ZEB1: variants seen among roughly 807,000 people sequenced by gnomAD.
The protein encoded by ZEB1 is zinc finger E-box binding homeobox 1, also known as zinc finger E-box-binding homeobox 1.
In ZEB1, 21 loss-of-function variants were observed where a neutral mutation model predicts 84.9. That is an observed-to-expected ratio of 0.25 (90% CI 0.18 to 0.36). The LOEUF (loss-of-function observed/expected upper bound fraction) is 0.36, where lower values mean the gene tolerates loss of function less well. Among genes scored for constraint, ZEB1 ranks in the 10% least tolerant of loss-of-function variants. ZEB1 has a pLI of 1.00. For synonymous variants in ZEB1, 420 were observed against 471.1 expected, an observed-to-expected ratio of 0.89 and a Z score of 1.41; for missense variants, 1,104 against 1,330.2, an observed-to-expected ratio of 0.83 and a Z score of 2.65.
rs764533019 is a variant in ZEB1, at chr10:31,490,406, A to G, written c.260-5370A>G. Among the ~76,000 whole-genome samples the G allele has an allele frequency of 5.3e-5, 8 of 151,544 alleles. No individual in the cohort carries two copies. In the East Asian group the frequency reaches 1.6e-3, roughly 29 times the overall value. On this transcript the variant is annotated intron_variant, in intron 2 of 8. Transcript: ENST00000424869. ...TTTTACTCTGTCTTATTCAAAGTGG[A>G]TAGTTTCCATTGATGTACTGTCAAG...
chr10:31,493,891 A>G (rs2066880874), intron 2 of ZEB1, among the ~76,000 whole-genome samples: 1 of 152,082 alleles, frequency 6.6e-6, no homozygotes, highest in South Asian at 2.1e-4. Flanking sequence ...TAAAGAGCCT[A>G]GAATTTATCC....
At chr10:31,387,305 G>A (rs2048801151) in intron 1 of ZEB1, 2 of 985,466 alleles carry the variant, frequency 2.0e-6, no homozygotes, top group Non-Finnish European at 2.4e-6. Flanking sequence ...GTGGGCCCAG[G>A]CTCCTAACCT....
Position 31,405,762 on chromosome 10 carries a change from G to T in ZEB1, c.59-55275G>T, listed in dbSNP as rs1256014073. Among the ~76,000 whole-genome samples, 5 of 151,452 alleles carry T rather than the reference G, an allele frequency of 3.3e-5. No individual in the cohort carries two copies. The East Asian group carries it at 9.8e-4, about 30-fold the overall frequency. ...GATACATCTGCAGTTTGTTACATAG[G>T]TATACATGTGTCATGGTGGTTTGTT... On this transcript the variant is annotated intron_variant, in intron 1 of 8. Transcript: ENST00000424869.
At chr10:31,330,649 G>C (rs997897864) in intron 1 of ZEB1, among the ~76,000 whole-genome samples, 3 of 152,122 alleles carry the variant, frequency 2.0e-5, no homozygotes, top group Non-Finnish European at 2.9e-5. Context: ...ATAAATGCTT[G>C]ATCTTACTGA....
At chr10:31,344,818 G>A (rs866668267) in intron 1 of ZEB1, among the ~76,000 whole-genome samples, 2 of 152,000 alleles carry the variant, frequency 1.3e-5, no homozygotes, top group Non-Finnish European at 1.5e-5. Flanking sequence ...TATTAAGGTG[G>A]ACTCCTGGAA....
intron 1 of ZEB1, among the ~76,000 whole-genome samples, chr10:31,402,656 GA>G (rs948117201): frequency 6.6e-6 from 1 of 150,822 alleles, no homozygotes; most frequent in Admixed American, 6.6e-5. Context: ...TTTTTTATTT[GA>G]ACTTTATTAC....
At position 31,459,187 on chromosome 10, in the gene ZEB1, C is replaced by G. The variant is rs375265766; in HGVS notation, c.59-1850C>G. On this transcript the variant is annotated intron_variant, in intron 1 of 8. Coordinates refer to ENST00000424869, the MANE Select transcript of ZEB1 (RefSeq NM_001174096.2). ...TAAAGTCAAAACATTGTAAATCAAG[C>G]CATAATTAGTCAGGGACTGTCTGTA... Among the ~76,000 whole-genome samples the G allele has an allele frequency of 5.4e-4, 82 of 152,112 alleles. 3 individuals carry two copies. In the South Asian group the frequency reaches 0.017, roughly 31 times the overall value.
At chr10:31,473,308 C>A (rs1187439619) in intron 2 of ZEB1, among the ~76,000 whole-genome samples, 3 of 148,926 alleles carry the variant, frequency 2.0e-5, no homozygotes, top group African/African-American at 7.4e-5. Flanking sequence ...ATCTAGAAAA[C>A]CCCATTGTCT....
chr10:31,385,672 C>T (rs1010353501), intron 1 of ZEB1, among the ~76,000 whole-genome samples: 18 of 151,936 alleles, frequency 1.2e-4, no homozygotes, highest in African/African-American at 3.9e-4. Context: ...GGATTACAGG[C>T]GCTTGCCACC....
intron 1 of ZEB1, chr10:31,387,405 C>A (rs1054309452): frequency 1.5e-5 from 9 of 618,682 alleles, no homozygotes; most frequent in Non-Finnish European, 1.8e-5. Context: ...GGACATCACA[C>A]ATTCATCAAG....
At chr10:31,319,092 T>G, upstream of ZEB1, 10 of 602,186 alleles carry the variant, frequency 1.7e-5, no homozygotes, top group East Asian at 3.3e-5. Flanking sequence ...CCTCTAGGTG[T>G]AAGGAAGGTG....
chr10:31,350,685 T>C (rs566006799), intron 1 of ZEB1, among the ~76,000 whole-genome samples: 3 of 152,316 alleles, frequency 2.0e-5, no homozygotes, highest in East Asian at 1.9e-4. Context: ...AAATGAGTAG[T>C]TTGTTAATTC....
chr10:31,502,792 G>A (rs1487748720), intron 4 of ZEB1, among the ~76,000 whole-genome samples: 1 of 152,202 alleles, frequency 6.6e-6, no homozygotes, highest in East Asian at 1.9e-4. Flanking sequence ...GTAGCAGGCA[G>A]TAGAAGTGAG....
intron 1 of ZEB1, among the ~76,000 whole-genome samples, chr10:31,442,335 A>G (rs1372524625): frequency 6.6e-6 from 1 of 151,050 alleles, no homozygotes; most frequent in Admixed American, 6.6e-5. Context: ...GTACGTTCTC[A>G]CTCTTAGGTG....
intron 1 of ZEB1, chr10:31,363,868 C>T (rs778109909): frequency 3.0e-5 from 39 of 1,311,492 alleles, no homozygotes; most frequent in East Asian, 9.5e-5. Flanking sequence ...CCCAAGATGT[C>T]GCTGACGGTT....
intron 1 of ZEB1, among the ~76,000 whole-genome samples, chr10:31,342,095 G>T (rs2039486684): frequency 6.6e-6 from 1 of 152,172 alleles, no homozygotes; most frequent in African/African-American, 2.4e-5. Context: ...AGTTGTTACA[G>T]AAGATTCTAG....
chr10:31,442,970 A>G (rs894514870), intron 1 of ZEB1, among the ~76,000 whole-genome samples: 1 of 152,192 alleles, frequency 6.6e-6, no homozygotes, highest in Admixed American at 6.5e-5. Context: ...AAAGCTTTGA[A>G]GTATAGAGGG....
intron 2 of ZEB1, among the ~76,000 whole-genome samples, chr10:31,476,132 G>T (rs2064138274): frequency 6.6e-6 from 1 of 150,646 alleles, no homozygotes; most frequent in East Asian, 1.9e-4. Flanking sequence ...ATGAGATTGA[G>T]ACCAAAAAAA....
rs907060173 is a variant in ZEB1 at position 31,526,731 on chromosome 10, A to G, written c.2845A>G (p.Ile949Val). The G allele has an allele frequency of 6.2e-6, 10 of 1,614,008 alleles. No individual in the cohort carries two copies. The highest frequency in any genetic ancestry group is 5.3e-5 in the African/African-American group (4 of 74,932). ...GGCATTTAAACACAAACATCATTTG[A>G]TTGAACACATGCGATTACATTCTGG... ...KKAFKHKHHL[I>V]EHMRLHSGEK... The change falls in exon 9 of 9, where the codon ATT becomes GTT. Residue 949 changes from isoleucine (I) to valine (V), a missense_variant. Ile to Val is a conservative substitution (Grantham distance 29, BLOSUM62 3). Transcript: ENST00000424869.
Sources: allele counts gnomAD v4.1 joint callset (sites outside exome capture counted in the v4.1 genomes callset), GRCh38; gene constraint gnomAD v4.1.1; transcripts MANE v1.5; gene names NCBI Gene and HGNC (gene_info 2026-07-23, HGNC 2026-07-21).